Variants in TLN2 observed in about 807,000 individuals in gnomAD.
TLN2 encodes talin-2.
In TLN2, 118 loss-of-function variants were observed where a neutral mutation model predicts 294.7. The observed-to-expected ratio is 0.40, with a 90% CI of 0.34 to 0.47. The LOEUF (loss-of-function observed/expected upper bound fraction) is 0.47, where lower values mean the gene tolerates loss of function less well. TLN2 is among the 20% of genes least tolerant of loss of function. TLN2 has a pLI of 0.84. For missense variants in TLN2, 3,083 were observed against 3,282.2 expected (o/e 0.94, Z 1.48); for synonymous variants, 1,431 against 1,304.5 (o/e 1.10, Z -2.09).
At chr15:62,721,240 C>G (rs919240519) in intron 25 of TLN2, among the ~76,000 whole-genome samples, 1 of 152,214 alleles carries the variant, frequency 6.6e-6, no homozygotes, top group African/African-American at 2.4e-5. Context: ...TAACATTGCT[C>G]TTCCAGGAGG....
intron 10 of TLN2, among the ~76,000 whole-genome samples, chr15:62,674,390 C>G (rs1316727670): frequency 1.3e-5 from 2 of 152,122 alleles, no homozygotes; most frequent in Non-Finnish European, 2.9e-5. Context: ...TACTTTGATC[C>G]TGAAATGTAA....
intron 1 of TLN2, among the ~76,000 whole-genome samples, chr15:62,535,522 G>C (rs994894048): frequency 6.0e-5 from 9 of 150,892 alleles, no homozygotes; most frequent in Admixed American, 5.9e-4. Flanking sequence ...CTGGTATTTA[G>C]CCAAGATTGA....
At chr15:62,391,424 C>T (rs1162515057) in intron 1 of TLN2, among the ~76,000 whole-genome samples, 2 of 152,260 alleles carry the variant, frequency 1.3e-5, no homozygotes, top group East Asian at 1.9e-4. Flanking sequence ...TCTCCTTCCT[C>T]GGTCCCACGA....
intron 1 of TLN2, among the ~76,000 whole-genome samples, chr15:62,423,746 A>G (rs1001246387): frequency 1.3e-5 from 2 of 151,952 alleles, no homozygotes; most frequent in Non-Finnish European, 2.9e-5. Context: ...ACACCCAGCT[A>G]ATTTTTGTAT....
intron 50 of TLN2, among the ~76,000 whole-genome samples, chr15:62,802,023 C>G (rs2065961621): frequency 6.6e-6 from 1 of 151,842 alleles, no homozygotes; most frequent in Non-Finnish European, 1.5e-5. Flanking sequence ...CTGTAGTTAC[C>G]CACTGTGCTA....
rs570493133 is a variant in TLN2 at position 62,675,431 on chromosome 15, G to A, written c.957+110G>A. On this transcript the variant is annotated intron_variant, in intron 11 of 58. Transcript: ENST00000636159. ...TCCTGCTCACCCCCCTAGCATTTGC[G>A]GGTGGAACATCTGGCTAGTGCTGAC... The A allele has an allele frequency of 1.7e-4, 187 of 1,098,770 alleles. No homozygotes were observed. In the African/African-American group the frequency reaches 2.1e-3, roughly 12 times the overall value. The allele number at this position is 1,098,770 out of a possible 1,614,324, so 68.1% of individuals were successfully genotyped here.
intron 1 of TLN2, among the ~76,000 whole-genome samples, chr15:62,466,725 G>A (rs893027274): frequency 2.0e-5 from 3 of 152,248 alleles, no homozygotes; most frequent in Non-Finnish European, 4.4e-5. Context: ...CCTGTTGATA[G>A]GAAAGTGGTC....
chr15:62,499,625 G>C (rs2039198344), intron 1 of TLN2, among the ~76,000 whole-genome samples: 1 of 152,108 alleles, frequency 6.6e-6, no homozygotes, highest in Admixed American at 6.5e-5. Context: ...TTTTGAGACG[G>C]AGTTTTGCTC....
At chr15:62,441,255 A>C (rs2035530747) in intron 1 of TLN2, among the ~76,000 whole-genome samples, 1 of 152,162 alleles carries the variant, frequency 6.6e-6, no homozygotes, top group Admixed American at 6.5e-5. Flanking sequence ...TTTTTGAGAC[A>C]CCGTCTTGCT....
chr15:62,422,388 C>T (rs893369557), intron 1 of TLN2, among the ~76,000 whole-genome samples: 4 of 152,114 alleles, frequency 2.6e-5, no homozygotes, highest in African/African-American at 9.7e-5. Context: ...CTTCTGTATT[C>T]CCTAAATGGA....
intron 32 of TLN2, among the ~76,000 whole-genome samples, chr15:62,746,349 A>C (rs998921797): frequency 4.5e-4 from 69 of 152,068 alleles, no homozygotes; most frequent in Middle Eastern, 3.4e-3. Flanking sequence ...TGAGGACTAC[A>C]CCCTCCGCAA....
intron 1 of TLN2, among the ~76,000 whole-genome samples, chr15:62,559,268 G>A (rs1260150760): frequency 2.0e-5 from 3 of 152,154 alleles, no homozygotes; most frequent in African/African-American, 7.2e-5. Context: ...AGGCGGGAGA[G>A]CTTGCCAAGA....
At chr15:62,752,204 A>G in intron 34 of TLN2, 101 bp from the exon 35 acceptor site, 1 of 1,454,404 alleles carries the variant, frequency 6.9e-7, no homozygotes, top group Non-Finnish European at 9.3e-7. Context: ...AAATGTTCCA[A>G]ATTAAGTTGC....
rs1045177229 is a variant in TLN2, at chr15:62,844,308, A to C, written c.*3698A>C. On this transcript the variant is annotated 3_prime_UTR_variant, in exon 59 of 59. Coordinates refer to ENST00000636159, the MANE Select transcript of TLN2 (RefSeq NM_015059.3). ...GGTCACTACGGATGAGTGTGTGCAG[A>C]GTTTGGGTTGATTCTTTTAAATGCT... 3.9e-5 allele frequency: 6 copies of C among 151,930 alleles called. No homozygotes were observed. The highest frequency in any genetic ancestry group is 1.5e-4 in the African/African-American group (6 of 41,340). 9.4% of individuals were successfully genotyped at this position (151,930 alleles called of 1,614,324 possible).
intron 1 of TLN2, among the ~76,000 whole-genome samples, chr15:62,427,717 A>T (rs890926893): frequency 1.3e-5 from 2 of 152,112 alleles, no homozygotes; most frequent in Admixed American, 1.3e-4. Flanking sequence ...GGCAGTTGGC[A>T]GTTTCTGCTC....
intron 19 of TLN2, among the ~76,000 whole-genome samples, chr15:62,706,106 T>A (rs2059046326): frequency 1.3e-5 from 2 of 152,254 alleles, no homozygotes; most frequent in East Asian, 3.8e-4. Context: ...CTCTTTATCA[T>A]CTGATGAATT....
intron 9 of TLN2, among the ~76,000 whole-genome samples, chr15:62,671,112 G>A (rs1208396487): frequency 6.6e-6 from 1 of 152,066 alleles, no homozygotes; most frequent in Non-Finnish European, 1.5e-5. Flanking sequence ...CATGTCCTCT[G>A]CCCATTTTTA....
At chr15:62,447,189 T>A (rs1269195620) in intron 1 of TLN2, among the ~76,000 whole-genome samples, 9 of 152,156 alleles carry the variant, frequency 5.9e-5, no homozygotes, top group Admixed American at 5.9e-4. Flanking sequence ...ATTTATTTAA[T>A]TAGGAACTAT....
intron 1 of TLN2, among the ~76,000 whole-genome samples, chr15:62,470,195 T>G (rs918775606): frequency 6.6e-6 from 1 of 152,160 alleles, no homozygotes; most frequent in South Asian, 2.1e-4. Context: ...GGCTCACTTA[T>G]AGACACAGTC....
Sources: allele counts gnomAD v4.1 joint callset (sites outside exome capture counted in the v4.1 genomes callset), GRCh38; gene constraint gnomAD v4.1.1; transcripts MANE v1.5; gene names NCBI Gene and HGNC (gene_info 2026-07-23, HGNC 2026-07-21).